Variants in DUSP22 observed in about 807,000 individuals in gnomAD.
DUSP22 encodes the protein dual specificity protein phosphatase 22.
In DUSP22, 24 loss-of-function variants were observed where a neutral mutation model predicts 24.5. That is an observed-to-expected ratio of 0.98 (90% confidence interval 0.71 to 1.38). DUSP22 has a LOEUF of 1.38. Ranked by LOEUF, DUSP22 falls within the 40% of genes most tolerant of loss-of-function variation. The pLI is 0.00. For missense variants in DUSP22, 330 were observed against 269.2 expected, an observed-to-expected ratio of 1.23 and a Z score of -1.58; for synonymous variants, 160 against 106.4, an observed-to-expected ratio of 1.50 and a Z score of -3.10.
At chr6:344,262 C>G (rs557127121) in intron 4 of DUSP22, among the ~76,000 whole-genome samples, 1 of 152,424 alleles carries the variant, frequency 6.6e-6, no homozygotes, top group East Asian at 1.9e-4. Flanking sequence ...TTAAGGCACG[C>G]GTCATCATTT....
At chr6:294,307 T>A (rs150592496) in intron 1 of DUSP22, among the ~76,000 whole-genome samples, 129 of 152,368 alleles carry the variant, frequency 8.5e-4, no homozygotes, top group African/African-American at 2.9e-3. Flanking sequence ...GCTTCAACAC[T>A]TATTGATTAT....
At chr6:345,498 C>T (rs1419040304) in intron 4 of DUSP22, among the ~76,000 whole-genome samples, 3 of 152,302 alleles carry the variant, frequency 2.0e-5, no homozygotes, top group Non-Finnish European at 4.4e-5. Context: ...GCGTGAGCCA[C>T]CGCACCCAGC....
chr6:349,331 A>T lies in DUSP22; in HGVS notation c.*380A>T. The T allele has an allele frequency of 1.8e-6, 2 of 1,088,136 alleles. No individual in the cohort carries two copies. The highest frequency in any genetic ancestry group is 2.2e-6 in the Non-Finnish European group (2 of 893,924). 67.4% of individuals were successfully genotyped at this position (1,088,136 alleles called of 1,614,324 possible). ...TGTTGTGAAAGTGTCTGTGCACATG[A>T]ATGTTTGTGTGTGTGTGAACTCTTT... On this transcript the variant is annotated 3_prime_UTR_variant, in exon 7 of 7. Coordinates refer to ENST00000419235, the MANE Select transcript of DUSP22 (RefSeq NM_001286555.3).
chr6:336,253 C>G (rs1385185134), intron 4 of DUSP22, among the ~76,000 whole-genome samples: 1 of 152,306 alleles, frequency 6.6e-6, no homozygotes, highest in Non-Finnish European at 1.5e-5. Context: ...GTCAAAGACA[C>G]AGCAACCCTC....
chr6:324,986 G>A (rs1758788491), intron 3 of DUSP22, among the ~76,000 whole-genome samples: 2 of 152,312 alleles, frequency 1.3e-5, no homozygotes, highest in African/African-American at 4.8e-5. Flanking sequence ...ATCCTGCCGG[G>A]AAGGGGAGGC....
At chr6:314,492 G>A (rs1758255363) in intron 3 of DUSP22, among the ~76,000 whole-genome samples, 1 of 152,308 alleles carries the variant, frequency 6.6e-6, no homozygotes, top group Non-Finnish European at 1.5e-5. Context: ...TTAAAGCTCT[G>A]GGTTACTTAG....
chr6:335,980 C>T (rs1759346211), intron 4 of DUSP22, among the ~76,000 whole-genome samples: 2 of 152,306 alleles, frequency 1.3e-5, no homozygotes, highest in African/African-American at 2.4e-5. Flanking sequence ...TGAAGAAATC[C>T]CGTGGAGACA....
At chr6:313,651 C>CT (rs1414430456) in intron 3 of DUSP22, among the ~76,000 whole-genome samples, 1 of 152,300 alleles carries the variant, frequency 6.6e-6, no homozygotes, top group Non-Finnish European at 1.5e-5. Flanking sequence ...CTATTGTAGT[C>CT]TCCGGGTGCT....
intron 3 of DUSP22, among the ~76,000 whole-genome samples, chr6:314,177 C>T: frequency 6.6e-6 from 1 of 152,308 alleles, no homozygotes; most frequent in Non-Finnish European, 1.5e-5. Flanking sequence ...AGTGAGCTGA[C>T]CCCTGGCTGG....
chr6:348,379 CCCACA>C, intron 6 of DUSP22, 105 bp downstream of exon 6: 1 of 1,540,220 alleles, frequency 6.5e-7, no homozygotes, highest in South Asian at 1.2e-5. Context: ...AGTTGAAAGG[CCCACA>C]GAGGACATCG....
rs7768224 is a variant in DUSP22 at position 348,195 on chromosome 6, G to A, written c.356G>A (p.Arg119His). 15,557 of 1,607,320 alleles carry A rather than the reference G, an allele frequency of 9.7e-3. No individual in the cohort carries two copies. In the African/African-American group the frequency reaches 0.14, roughly 15 times the overall value. ...TGGGAGGATGCCCTGCACACCGTGC[G>A]TGCTGGGAGATCCTGTGCCAACCCC... ...FGWEDALHTV[R>H]AGRSCANPNV... Residue 119 changes from arginine to histidine, a missense_variant, in exon 6 of 7, where the codon CGT (arginine) becomes CAT (histidine). Coordinates refer to ENST00000419235, the MANE Select transcript of DUSP22 (RefSeq NM_001286555.3).
At chr6:324,156 G>A (rs2127405693) in intron 3 of DUSP22, among the ~76,000 whole-genome samples, 1 of 152,418 alleles carries the variant, frequency 6.6e-6, no homozygotes, top group South Asian at 2.1e-4. Context: ...GCAGCCGCAT[G>A]GCTACCCCAG....
intron 4 of DUSP22, among the ~76,000 whole-genome samples, chr6:339,159 G>C (rs1759486465): frequency 6.6e-6 from 1 of 152,302 alleles, no homozygotes; most frequent in Non-Finnish European, 1.5e-5. Context: ...CCTAGAGTTT[G>C]TATCAAATGC....
intron 1 of DUSP22, among the ~76,000 whole-genome samples, chr6:293,426 A>C (rs532270368): frequency 2.0e-4 from 30 of 152,410 alleles, no homozygotes; most frequent in South Asian, 4.1e-4. Flanking sequence ...CAAAGCCCGC[A>C]ACAAAGACAA....
intron 5 of DUSP22, among the ~76,000 whole-genome samples, chr6:346,429 G>GGCACACAC (rs1759876337): frequency 6.6e-6 from 1 of 151,200 alleles, no homozygotes; most frequent in South Asian, 2.1e-4. Flanking sequence ...ATTTTGTGTA[G>GGCACACAC]ACACACACAC....
chr6:345,224 C>CTTTTTTTTTTTT (rs4061670), intron 4 of DUSP22, among the ~76,000 whole-genome samples: 2 of 146,040 alleles, frequency 1.4e-5, no homozygotes. Flanking sequence ...TGGTTTCTTT[C>CTTTTTTTTTTTT]TTTTTTTTTT....
intron 2 of DUSP22, among the ~76,000 whole-genome samples, chr6:311,521 A>T (rs1333835163): frequency 2.0e-5 from 3 of 152,308 alleles, no homozygotes; most frequent in Admixed American, 1.3e-4. Flanking sequence ...TCTCCTAAAA[A>T]TACAAAAAAT....
intron 2 of DUSP22, among the ~76,000 whole-genome samples, chr6:310,362 C>T (rs17751972): frequency 0.097 from 14,368 of 147,926 alleles, 45 homozygotes; most frequent in Non-Finnish European, 0.11. Context: ...TTCCTGCTGG[C>T]CCCCTGTTTT....
chr6:324,832 C>T (rs1193780825), intron 3 of DUSP22, among the ~76,000 whole-genome samples: 2 of 152,308 alleles, frequency 1.3e-5, no homozygotes, highest in African/African-American at 4.8e-5. Context: ...GCCTGTAACC[C>T]ATCTGCAGCT....
Sources: gnomAD v4.1 joint callset for allele counts (sites outside exome capture counted in the v4.1 genomes callset) on GRCh38, gnomAD v4.1.1 for gene constraint, MANE v1.5 for transcripts, NCBI Gene and HGNC (gene_info 2026-07-23, HGNC 2026-07-21) for gene names.